LAMC1: variants seen among roughly 807,000 people sequenced by gnomAD.
LAMC1 encodes the protein laminin subunit gamma-1.
A neutral mutation model predicts 173.6 loss-of-function variants in LAMC1; 38 were observed. The ratio of observed to expected loss-of-function variants is 0.22; its 90% CI spans 0.17 to 0.29. The LOEUF (loss-of-function observed/expected upper bound fraction) is 0.29, where lower values mean the gene tolerates loss of function less well. Among genes scored for constraint, LAMC1 ranks in the 10% least tolerant of loss-of-function variants. LAMC1 has a pLI of 1.00. For synonymous variants in LAMC1, 746 were observed against 749.1 expected (o/e 1.00, Z 0.07); for missense variants, 1,824 against 2,051.8 (o/e 0.89, Z 2.14).
rs1430480592 is a variant in LAMC1, at chr1:183,134,818, G to A, written c.3999+9G>A. 4.4e-6 allele frequency: 7 copies of A among 1,608,866 alleles called. No individual in the cohort carries two copies. Among genetic ancestry groups the A allele is most frequent in the African/African-American group, 1.3e-5 (1 of 74,380 alleles). ...GCAAGACTGAACAGCAGGTTGGTTTGATTTGCAGGTCGCTTCATTTCTTGA... is the reference window on the plus strand; with the variant it reads ...GCAAGACTGAACAGCAGGTTGGTTTAATTTGCAGGTCGCTTCATTTCTTGA... On this transcript the variant is annotated intron_variant, in intron 23 of 27. Transcript: ENST00000258341.
At chr1:183,024,821 T>C (rs1362586799) in intron 1 of LAMC1, among the ~76,000 whole-genome samples, 1 of 152,242 alleles carries the variant, frequency 6.6e-6, no homozygotes, top group Non-Finnish European at 1.5e-5. Context: ...AAAAAGGCTC[T>C]CCTTTACTGT....
At chr1:183,119,077 A>G (rs1414871524) in intron 11 of LAMC1, among the ~76,000 whole-genome samples, 1 of 151,968 alleles carries the variant, frequency 6.6e-6, no homozygotes, top group Non-Finnish European at 1.5e-5. Flanking sequence ...TTGTATTTTT[A>G]GTAGAGATGG....
intron 1 of LAMC1, among the ~76,000 whole-genome samples, chr1:183,053,409 T>C (rs1654488157): frequency 8.5e-6 from 1 of 117,026 alleles, no homozygotes; most frequent in African/African-American, 2.7e-5. Context: ...TGGATCTGTT[T>C]TTTGTGTGTG....
intron 1 of LAMC1, among the ~76,000 whole-genome samples, chr1:183,075,735 A>T (rs542356788): frequency 6.6e-6 from 1 of 152,328 alleles, no homozygotes; most frequent in East Asian, 1.9e-4. Flanking sequence ...TCTCAGAAAC[A>T]GGGAATTTAC....
chr1:183,138,011 T>G (rs185789251), intron 26 of LAMC1, 184 bp downstream of exon 26: 8 of 595,784 alleles, frequency 1.3e-5, no homozygotes, highest in African/African-American at 1.9e-5. Context: ...GCCAGGTAAT[T>G]TTGTTGCACA....
intron 1 of LAMC1, among the ~76,000 whole-genome samples, chr1:183,071,760 TA>T (rs1655017836): frequency 6.6e-6 from 1 of 152,226 alleles, no homozygotes; most frequent in Admixed American, 6.5e-5. Flanking sequence ...CCCTCAAGCA[TA>T]GTGCTGAAGT....
intron 4 of LAMC1, 109 bp downstream of exon 4, chr1:183,110,763 G>A (rs755092692): frequency 6.8e-6 from 8 of 1,172,176 alleles, no homozygotes; most frequent in Non-Finnish European, 8.5e-6. Context: ...GCTCTGAAAG[G>A]CCAGCTTTTT....
chr1:183,069,745 G>A (rs1448208555), intron 1 of LAMC1, among the ~76,000 whole-genome samples: 3 of 152,358 alleles, frequency 2.0e-5, no homozygotes, highest in Admixed American at 1.3e-4. Flanking sequence ...CATCGGCTGA[G>A]TCTGAGGGGA....
intron 1 of LAMC1, among the ~76,000 whole-genome samples, chr1:183,077,942 C>T (rs1238596737): frequency 6.6e-6 from 1 of 151,672 alleles, no homozygotes; most frequent in Non-Finnish European, 1.5e-5. Flanking sequence ...AATAAGTTGT[C>T]TCTTAAATTT....
At chr1:183,079,157 C>T (rs990895037) in intron 1 of LAMC1, among the ~76,000 whole-genome samples, 3 of 147,686 alleles carry the variant, frequency 2.0e-5, no homozygotes, top group Admixed American at 6.8e-5. Context: ...TTTGATAGAA[C>T]TGTTGCCTAA....
chr1:183,086,449 A>G (rs866554572), intron 1 of LAMC1, among the ~76,000 whole-genome samples: 1 of 152,226 alleles, frequency 6.6e-6, no homozygotes, highest in Non-Finnish European at 1.5e-5. Flanking sequence ...CTTGCTACTA[A>G]AGAATTTATT....
At chr1:183,118,462 C>T (rs1656382732) in intron 11 of LAMC1, among the ~76,000 whole-genome samples, 1 of 152,126 alleles carries the variant, frequency 6.6e-6, no homozygotes, top group African/African-American at 2.4e-5. Context: ...GTTGCTTACA[C>T]CTGTAATCCT....
At chr1:183,104,743 C>T (rs1655926177) in intron 2 of LAMC1, among the ~76,000 whole-genome samples, 1 of 152,120 alleles carries the variant, frequency 6.6e-6, no homozygotes. Context: ...GCCCCCCTTC[C>T]ATTGTATTTC....
Position 183,117,432 on chromosome 1 carries a change from C to A in LAMC1, c.1677C>A (p.Phe559Leu). Residue 559 changes from phenylalanine (F) to leucine (L), a missense_variant, in exon 9 of 28, where the codon TTC becomes TTA. By Grantham distance (22) the Phe-to-Leu change is conservative. Transcript: ENST00000258341. The stretch of plus-strand genomic sequence containing the variant: ...CAGACAGCTACTTTCCTCGGTACTT[C>A]ATTGCTCCTGGTAAGTAAGGCTAGA... The part of the protein sequence containing the change: ...VISDSYFPRY[F>L]IAPAKFLGKQ... The A allele has an allele frequency of 1.2e-6, 2 of 1,613,342 alleles. No homozygotes were observed. The highest frequency in any genetic ancestry group is 1.7e-4 in the Middle Eastern group (1 of 6,058).
At chr1:183,124,567 G>A in intron 13 of LAMC1, 64 bp from the exon 14 acceptor site, 1 of 1,583,160 alleles carries the variant, frequency 6.3e-7, no homozygotes, top group South Asian at 1.1e-5. Context: ...TGTAGCCAGT[G>A]GTAATCTAGC....
Position 183,144,567 on chromosome 1 carries a change from A to T in LAMC1, c.*1777A>T, listed in dbSNP as rs889832608. On this transcript the variant is annotated 3_prime_UTR_variant, in exon 28 of 28. Coordinates refer to ENST00000258341, the MANE Select transcript of LAMC1 (RefSeq NM_002293.4). The stretch of plus-strand genomic sequence containing the variant: ...AAAGAGGTAACTTGGGTCCTCTTCC[A>T]TTGCAGTCCTGATGATCCTAACCTG... The T allele has an allele frequency of 6.6e-6, 1 of 152,202 alleles. No homozygotes were observed. Among genetic ancestry groups the T allele is most frequent in the Non-Finnish European group, 1.5e-5 (1 of 68,040 alleles). The allele number at this position is 152,202 out of a possible 1,614,324, so 9.4% of individuals were successfully genotyped here.
In LAMC1 at chr1:183,023,684, G is replaced by T; in HGVS notation, c.-33G>T. On this transcript the variant is annotated 5_prime_UTR_variant, in exon 1 of 28. Coordinates refer to ENST00000258341, the MANE Select transcript of LAMC1 (RefSeq NM_002293.4). ...GCGAGAGGAACGCGCCGGTGCCCTT[G>T]CCTTCGCCGTGACCCAGCGTGCGGG... The T allele has an allele frequency of 8.6e-7, 1 of 1,163,892 alleles. No homozygotes were observed. Among genetic ancestry groups the T allele is most frequent in the Non-Finnish European group, 1.1e-6 (1 of 942,386 alleles). 72.1% of individuals were successfully genotyped at this position (1,163,892 alleles called of 1,614,324 possible).
intron 4 of LAMC1, 25 bp from the exon 5 acceptor site, chr1:183,114,506 G>T: frequency 6.2e-7 from 1 of 1,613,008 alleles, no homozygotes; most frequent in South Asian, 1.1e-5. Context: ...CAGATCTGAT[G>T]TAACTCGTGT....
Position 183,134,944 on chromosome 1 carries a change from C to G in LAMC1, c.4000-98C>G, listed in dbSNP as rs2296298. The G allele has an allele frequency of 0.13, 169,741 of 1,335,058 alleles. 12,243 individuals carry two copies. The highest frequency in any genetic ancestry group is 0.26 in the Admixed American group (14,152 of 55,282). 82.7% of individuals were successfully genotyped at this position (1,335,058 alleles called of 1,614,324 possible). Reference sequence around the variant, plus strand: ...AGCAGCCTAACAGATTTTATGCTGGCAAGTCTCAGGGTGGCACCTCTGGAG... The same window carrying G: ...AGCAGCCTAACAGATTTTATGCTGGGAAGTCTCAGGGTGGCACCTCTGGAG... On this transcript the variant is annotated intron_variant, in intron 23 of 27. Coordinates refer to ENST00000258341, the MANE Select transcript of LAMC1 (RefSeq NM_002293.4).
Sources: allele counts gnomAD v4.1 joint callset (sites outside exome capture counted in the v4.1 genomes callset), GRCh38; gene constraint gnomAD v4.1.1; transcripts MANE v1.5; gene names NCBI Gene and HGNC (gene_info 2026-07-23, HGNC 2026-07-21).